The following DOCK3 variants were observed in gnomAD, a reference collection of about 807,000 sequenced individuals.
DOCK3 encodes dedicator of cytokinesis 3.
In DOCK3, 60 loss-of-function variants were observed where a neutral mutation model predicts 265.6. That is an observed-to-expected ratio of 0.23 (90% CI 0.18 to 0.28). The LOEUF is 0.28. DOCK3 is among the 10% of genes least tolerant of loss of function. The pLI is 1.00. For synonymous variants in DOCK3, 881 were observed against 938.0 expected (o/e 0.94, Z 1.11); for missense variants, 1,981 against 2,594.3 (o/e 0.76, Z 5.14).
chr3:50,976,392 C>G (rs899637109), intron 5 of DOCK3, among the ~76,000 whole-genome samples: 12 of 132,448 alleles, frequency 9.1e-5, no homozygotes, highest in African/African-American at 3.4e-4. Flanking sequence ...GCCTTCATTT[C>G]GTTATGTACC....
chr3:50,765,839 A>G (rs1233794796), intron 1 of DOCK3, among the ~76,000 whole-genome samples: 4 of 152,178 alleles, frequency 2.6e-5, no homozygotes, highest in African/African-American at 9.7e-5. Context: ...TCACCTTACT[A>G]TGAAATAGAA....
intron 4 of DOCK3, among the ~76,000 whole-genome samples, chr3:50,921,235 G>A (rs2050443779): frequency 6.6e-6 from 1 of 152,140 alleles, no homozygotes; most frequent in African/African-American, 2.4e-5. Flanking sequence ...ATTTATTGGA[G>A]GCTTTGTTCA....
chr3:51,187,960 C>G (rs1269998347), intron 12 of DOCK3, among the ~76,000 whole-genome samples: 2 of 152,042 alleles, frequency 1.3e-5, no homozygotes, highest in African/African-American at 4.8e-5. Context: ...AGAATGATTT[C>G]TCAAGATGTG....
At chr3:51,073,370 G>A (rs1028697276) in intron 6 of DOCK3, among the ~76,000 whole-genome samples, 3 of 152,146 alleles carry the variant, frequency 2.0e-5, no homozygotes, top group African/African-American at 2.4e-5. Context: ...ACTGCACCTC[G>A]CTCTTGCACT....
At chr3:50,957,580 A>G (rs2076763475) in intron 5 of DOCK3, among the ~76,000 whole-genome samples, 1 of 152,256 alleles carries the variant, frequency 6.6e-6, no homozygotes, top group Non-Finnish European at 1.5e-5. Context: ...CTGTGCACTT[A>G]CATAACAAAA....
rs772900038 is a variant in DOCK3, at chr3:51,333,014, G to A, written c.3502G>A (p.Gly1168Arg). ...TGCATGGAGTAGAACCCAGCTGTTT[G>A]GGCCCTACCCCAGGTAAGACTGCAG... The part of the protein sequence containing the change: ...ELFSLLTQLF[G>R]PYPSLLEKVE... Residue 1168 changes from glycine to arginine, a missense_variant, in exon 34 of 53, where the codon GGG (glycine) becomes AGG (arginine). Gly to Arg is a moderately radical substitution (Grantham distance 125, BLOSUM62 -2). This residue lies in a region of DOCK3 where 1,357 missense variants were observed against 1,866.8 expected (regional missense o/e 0.73). Transcript: ENST00000266037. The A allele has an allele frequency of 6.2e-7, 1 of 1,613,928 alleles. No individual in the cohort carries two copies. The highest frequency in any genetic ancestry group is 8.5e-7 in the Non-Finnish European group (1 of 1,179,876).
intron 1 of DOCK3, among the ~76,000 whole-genome samples, chr3:50,747,845 C>T (rs1387351065): frequency 3.4e-5 from 5 of 147,934 alleles, no homozygotes; most frequent in Non-Finnish European, 4.4e-5. Context: ...ACCTGGGTGA[C>T]AGAGCAAGAC....
intron 5 of DOCK3, among the ~76,000 whole-genome samples, chr3:51,055,133 T>C (rs2081149848): frequency 6.6e-6 from 1 of 152,162 alleles, no homozygotes; most frequent in African/African-American, 2.4e-5. Context: ...AGAGCAGCTG[T>C]CAATATTTCT....
At chr3:50,786,847 G>A (rs758543046) in intron 2 of DOCK3, 49 of 741,054 alleles carry the variant, frequency 6.6e-5, no homozygotes, top group African/African-American at 5.1e-4. Context: ...GAAACCTTTC[G>A]TCACAGTTCT....
intron 9 of DOCK3, among the ~76,000 whole-genome samples, chr3:51,117,056 T>C (rs1440213167): frequency 3.3e-5 from 5 of 152,244 alleles, no homozygotes; most frequent in Admixed American, 3.3e-4. Context: ...TCAAGGGGAA[T>C]GCGTCCAGCT....
chr3:51,250,640 C>G (rs955162033), intron 22 of DOCK3, among the ~76,000 whole-genome samples: 5 of 152,058 alleles, frequency 3.3e-5, no homozygotes, highest in African/African-American at 1.2e-4. Flanking sequence ...AACAAACAAA[C>G]AAACTCGATG....
chr3:50,798,650 A>G (rs892268299), intron 2 of DOCK3, among the ~76,000 whole-genome samples: 1 of 151,814 alleles, frequency 6.6e-6, no homozygotes, highest in African/African-American at 2.4e-5. Flanking sequence ...CTGTCAGATG[A>G]GTGGTTTCAG....
At chr3:50,719,458 A>T (rs2037342792) in intron 1 of DOCK3, 3 of 709,046 alleles carry the variant, frequency 4.2e-6, no homozygotes, top group Non-Finnish European at 7.2e-6. Context: ...TCTGATGGTT[A>T]AGATAAAGCA....
chr3:50,791,224 A>C (rs2042459335), intron 2 of DOCK3, among the ~76,000 whole-genome samples: 1 of 146,996 alleles, frequency 6.8e-6, no homozygotes. Context: ...GATCTATTAC[A>C]GTTTTGGGGT....
intron 2 of DOCK3, among the ~76,000 whole-genome samples, chr3:50,797,813 A>G (rs537302879): frequency 6.6e-6 from 1 of 152,106 alleles, no homozygotes; most frequent in Non-Finnish European, 1.5e-5. Flanking sequence ...TTGGCCATTT[A>G]TATGTCTTTT....
rs545466020 is a variant in DOCK3 at position 51,163,495 on chromosome 3, C to G, written c.1037+2793C>G. On this transcript the variant is annotated intron_variant, in intron 12 of 52. Transcript: ENST00000266037. ...GCCTTAAAACTCACAAATAAATAAC[C>G]ATATGTACATTTCAGTCTGATATAG... 2.0e-4 allele frequency among the ~76,000 whole-genome samples: 31 copies of G among 151,884 alleles called. No homozygotes were observed. The South Asian group carries it at 5.2e-3, about 25-fold the overall frequency.
At chr3:50,743,139 T>C (rs988905799) in intron 1 of DOCK3, among the ~76,000 whole-genome samples, 2 of 145,870 alleles carry the variant, frequency 1.4e-5, no homozygotes, top group African/African-American at 2.6e-5. Flanking sequence ...GACAAGCAAG[T>C]GCTGAGAGAT....
intron 1 of DOCK3, chr3:50,719,942 A>G (rs1244477155): frequency 4.0e-6 from 2 of 504,014 alleles, no homozygotes; most frequent in Non-Finnish European, 7.3e-6. Context: ...CGTACCGTCC[A>G]CAGTGATGTC....
chr3:51,245,390 CTTTTTT>C (rs71084137), intron 21 of DOCK3, among the ~76,000 whole-genome samples: 1 of 106,676 alleles, frequency 9.4e-6, no homozygotes, highest in Non-Finnish European at 2.0e-5. Flanking sequence ...CATTTTCTTT[CTTTTTT>C]TTTTTTTTTT....
Sources: gnomAD v4.1 joint callset for allele counts (sites outside exome capture counted in the v4.1 genomes callset) on GRCh38, gnomAD v4.1.1 for gene constraint, gnomAD v4.1.1 regional missense constraint, MANE v1.5 for transcripts, NCBI Gene and HGNC (gene_info 2026-07-23, HGNC 2026-07-21) for gene names.